The following GLS variants were observed in gnomAD, a reference collection of about 807,000 sequenced individuals.
GLS encodes the protein glutaminase.
GLS carries 36 observed loss-of-function variants against 86.7 expected under a neutral mutation model. The observed-to-expected ratio is 0.42, with a 90% confidence interval of 0.32 to 0.55. The LOEUF (loss-of-function observed/expected upper bound fraction) is 0.55. Ranked by LOEUF, GLS falls within the 20% of genes least tolerant of loss-of-function variation. The pLI is 0.17. For missense variants in GLS, 528 were observed against 833.4 expected (o/e 0.63, Z 4.51); for synonymous variants, 317 against 305.9 (o/e 1.04, Z -0.38).
chr2:190,949,141 C>G lies in GLS; in HGVS notation c.1651-4424C>G, dbSNP rs1690653419. ...CAAGGGCAGTAAGACCAATTTTGCT[C>G]TATTGAGGTTGAGAAGAAAAATTAA... On this transcript the variant is annotated intron_variant, in intron 14 of 17. Transcript: ENST00000320717. This position sits in a 1 kb window ranked among gnomAD's most constrained non-coding sequence, Gnocchi z 4.0. Among the ~76,000 whole-genome samples the G allele has an allele frequency of 6.6e-6, 1 of 151,966 alleles. No individual in the cohort carries two copies. The highest frequency in any genetic ancestry group is 1.5e-5 in the Non-Finnish European group (1 of 67,988).
chr2:190,927,323 G>T lies in GLS; in HGVS notation c.1266G>T (p.Val422=). 1 of 1,611,666 alleles carries T rather than the reference G, an allele frequency of 6.2e-7. No homozygotes were observed. Among genetic ancestry groups the T allele is most frequent in the Non-Finnish European group, 8.5e-7 (1 of 1,179,164 alleles). Residue 422 remains valine, a synonymous_variant, in exon 12 of 18, where the codon GTG becomes GTT. Transcript: ENST00000320717. Reference sequence around the variant, plus strand: ...TGTGTTAGCTGTGCTCCATTGAAGTGACTTGTGAATCAGCCAGTGTGATGG... The same window carrying T: ...TGTGTTAGCTGTGCTCCATTGAAGTTACTTGTGAATCAGCCAGTGTGATGG... ...DFYFQLCSIE[V]TCESASVMAA...
Position 190,955,181 on chromosome 2 carries a change from G to C in GLS, c.1853+363G>C, listed in dbSNP as rs111533780. On this transcript the variant is annotated intron_variant, in intron 17 of 17. Coordinates refer to ENST00000320717, the MANE Select transcript of GLS (RefSeq NM_014905.5). This position sits in a 1 kb window ranked among gnomAD's most constrained non-coding sequence, Gnocchi z 5.6. ...GTTCTGGGATACATGTGCAGAACAT[G>C]CAGGTTTGTTACATGGGTATATAAG... is the stretch of plus-strand genomic sequence containing the variant. Among the ~76,000 whole-genome samples the C allele has an allele frequency of 0.015, 2,244 of 152,184 alleles. 55 individuals are homozygous for C. Among genetic ancestry groups the C allele is most frequent in the African/African-American group, 0.05 (2,089 of 41,500 alleles).
In GLS at chr2:190,963,643, T is replaced by C. The variant is rs1273416231; in HGVS notation, c.*657T>C. On this transcript the variant is annotated 3_prime_UTR_variant, in exon 18 of 18. Transcript: ENST00000320717. Reference sequence around the variant, plus strand: ...ATAATGCTTTTGAAAAATTTTCCTTTTTCTATATCCCCTTAGTCCAGCCTC... The same window carrying C: ...ATAATGCTTTTGAAAAATTTTCCTTCTTCTATATCCCCTTAGTCCAGCCTC... 6.6e-6 allele frequency: 1 copy of C among 152,662 alleles called. No homozygotes were observed. The highest frequency in any genetic ancestry group is 6.5e-5 in the Admixed American group (1 of 15,280). 9.5% of individuals were successfully genotyped at this position (152,662 alleles called of 1,614,324 possible).
chr2:190,886,671 T>C (rs1207078672), intron 1 of GLS, among the ~76,000 whole-genome samples: 1 of 152,214 alleles, frequency 6.6e-6, no homozygotes, highest in East Asian at 1.9e-4. Flanking sequence ...ATCCCAGCAC[T>C]TTGGGAGGCC....
chr2:190,881,735 T>G (rs960950891), intron 1 of GLS, among the ~76,000 whole-genome samples: 6 of 152,238 alleles, frequency 3.9e-5, no homozygotes, highest in Admixed American at 3.3e-4. Context: ...TGGGGCCTGA[T>G]GGGCTCGCCT....
intron 6 of GLS, among the ~76,000 whole-genome samples, chr2:190,908,237 G>A (rs774761337): frequency 2.0e-5 from 3 of 152,088 alleles, no homozygotes; most frequent in African/African-American, 7.2e-5. Flanking sequence ...ATATAATACC[G>A]AAAATATAAA....
At chr2:190,893,495 G>T (rs147559260) in intron 1 of GLS, among the ~76,000 whole-genome samples, 2 of 152,304 alleles carry the variant, frequency 1.3e-5, no homozygotes, top group East Asian at 1.9e-4. Context: ...ATCCTTGGAG[G>T]ATTAAGTTAG....
intron 3 of GLS, among the ~76,000 whole-genome samples, chr2:190,898,311 C>T (rs868288115): frequency 6.6e-6 from 1 of 152,034 alleles, no homozygotes; most frequent in African/African-American, 2.4e-5. Flanking sequence ...TGATTATTCC[C>T]GGCTTACAGA....
At chr2:190,912,346 CTTTTTTT>C (rs34419675) in intron 7 of GLS, among the ~76,000 whole-genome samples, 2 of 122,490 alleles carry the variant, frequency 1.6e-5, no homozygotes, top group Non-Finnish European at 3.3e-5. Context: ...TTCACAAGTG[CTTTTTTT>C]TTTTTTTTTT....
rs1574602058 is a variant in GLS, at chr2:190,927,644, T to A, written c.1425+162T>A. 2.5e-5 allele frequency: 14 copies of A among 563,256 alleles called. No individual in the cohort carries two copies. In the East Asian group the frequency reaches 4.5e-4, roughly 18 times the overall value. 34.9% of individuals were successfully genotyped at this position (563,256 alleles called of 1,614,324 possible). The stretch of plus-strand genomic sequence containing the variant: ...TTACAAGATTAGTAAGGAATAGAGA[T>A]AAGGTCTACCAGATGTTCTTAAGAA... On this transcript the variant is annotated intron_variant, in intron 12 of 17. Coordinates refer to ENST00000320717, the MANE Select transcript of GLS (RefSeq NM_014905.5).
intron 14 of GLS, among the ~76,000 whole-genome samples, chr2:190,944,095 A>G (rs1690519154): frequency 6.6e-6 from 1 of 152,200 alleles, no homozygotes; most frequent in Non-Finnish European, 1.5e-5. Context: ...CACAGCAGGA[A>G]GAGAACCTCA....
rs932587374 is a variant in GLS at position 190,905,412 on chromosome 2, G to A, written c.979+245G>A. 5.2e-5 allele frequency: 19 copies of A among 364,828 alleles called. No homozygotes were observed. Among genetic ancestry groups the A allele is most frequent in the South Asian group, 8.6e-5 (2 of 23,266 alleles). 22.6% of individuals were successfully genotyped at this position (364,828 alleles called of 1,614,324 possible). A position where few individuals can be genotyped will look rare whatever the true frequency, so the allele number is the denominator to read the frequency against. On this transcript the variant is annotated intron_variant, in intron 6 of 17. Transcript: ENST00000320717. The surrounding 1 kb of genome is among the most constrained non-coding windows in gnomAD (Gnocchi z 4.6). ...ATAACCACCTTTAGGGAAATATAGC[G>A]AAATCTCAAAATACATGAGATTTGC...
Position 190,931,597 on chromosome 2 carries a change from CA to C in GLS, c.1617del (p.Lys539AsnfsTer13). 1.3e-6 allele frequency: 2 copies of C among 1,583,836 alleles called. No individual in the cohort carries two copies. The highest frequency in any genetic ancestry group is 1.7e-6 in the Non-Finnish European group (2 of 1,155,742). On this transcript the variant is annotated frameshift_variant, in exon 14 of 18. Transcript: ENST00000320717. LOFTEE classifies it high-confidence loss of function. ...AACTATGATAATTTGAGACACTTTG[CA>C]AAAAAACTTGATCCTCGAAGAGAAG... ...FHNYDNLRHF[A>X]KKLDPRREGG...
chr2:190,939,622 T>C (rs879397582), intron 14 of GLS, among the ~76,000 whole-genome samples: 2 of 151,796 alleles, frequency 1.3e-5, no homozygotes, highest in African/African-American at 4.8e-5. Context: ...ATGAGAATTA[T>C]AAATTTTTGT....
intron 14 of GLS, among the ~76,000 whole-genome samples, chr2:190,939,133 C>T (rs1379901164): frequency 6.6e-6 from 1 of 151,498 alleles, no homozygotes; most frequent in African/African-American, 2.4e-5. Context: ...TAGCTACTTC[C>T]CTTGTTTATT....
chr2:190,889,769 G>T (rs1688503874), intron 1 of GLS, among the ~76,000 whole-genome samples: 1 of 152,050 alleles, frequency 6.6e-6, no homozygotes, highest in Non-Finnish European at 1.5e-5. Flanking sequence ...GCTGACAGGG[G>T]CAGCCTGACC....
intron 1 of GLS, among the ~76,000 whole-genome samples, chr2:190,887,179 TATTA>T (rs1258345340): frequency 1.3e-5 from 2 of 152,212 alleles, no homozygotes; most frequent in Non-Finnish European, 2.9e-5. Context: ...TAAAAATAGT[TATTA>T]ATTACTGATA....
intron 14 of GLS, among the ~76,000 whole-genome samples, chr2:190,939,012 A>G (rs1181379515): frequency 1.3e-5 from 2 of 151,734 alleles, no homozygotes; most frequent in Admixed American, 1.3e-4. Flanking sequence ...TTAAATATAT[A>G]AGTAAAACGA....
chr2:190,934,086 C>CCA, intron 14 of GLS: 5 of 975,686 alleles, frequency 5.1e-6, no homozygotes, highest in Non-Finnish European at 6.1e-6. Flanking sequence ...CCATATACTT[C>CCA]TCTGGTTTTC....
Sources: gnomAD v4.1 joint callset for allele counts (sites outside exome capture counted in the v4.1 genomes callset) on GRCh38, gnomAD v4.1.1 for gene constraint, Gnocchi (gnomAD v3.1) non-coding constraint, MANE v1.5 for transcripts, NCBI Gene and HGNC (gene_info 2026-07-23, HGNC 2026-07-21) for gene names.